GCSAML: variants seen among roughly 807,000 people sequenced by gnomAD.
GCSAML encodes the protein germinal center-associated signaling and motility-like protein.
In GCSAML, 9 loss-of-function variants were observed where a neutral mutation model predicts 13.0. The ratio of observed to expected loss-of-function variants is 0.69; its 90% CI spans 0.42 to 1.21. The LOEUF (loss-of-function observed/expected upper bound fraction) is 1.21. Ranked by LOEUF, GCSAML falls within the 50% of genes most tolerant of loss-of-function variation. GCSAML has a pLI of 0.00. For synonymous variants in GCSAML, 37 were observed against 52.9 expected (o/e 0.70, Z 1.31); for missense variants, 143 against 153.4 (o/e 0.93, Z 0.36).
chr1:247,550,914 T>C (rs1185989670), intron 1 of GCSAML, among the ~76,000 whole-genome samples: 1 of 152,184 alleles, frequency 6.6e-6, no homozygotes, highest in Non-Finnish European at 1.5e-5. Context: ...TAAAAATGGA[T>C]AGGCCCCTTC....
chr1:247,553,520 T>C (rs1667850280), intron 1 of GCSAML, among the ~76,000 whole-genome samples: 1 of 152,254 alleles, frequency 6.6e-6, no homozygotes, highest in African/African-American at 2.4e-5. Flanking sequence ...GGTTGCTGTA[T>C]ATTTTTGACA....
At chr1:247,556,898 G>T (rs1364540792) in intron 2 of GCSAML, among the ~76,000 whole-genome samples, 1 of 152,086 alleles carries the variant, frequency 6.6e-6, no homozygotes, top group African/African-American at 2.4e-5. Context: ...AGGGCCTACA[G>T]TTCCATAAGG....
At chr1:247,528,014 AT>A (rs1666750659) in intron 2 of GCSAML, 1 of 152,104 alleles carries the variant, frequency 6.6e-6, no homozygotes, top group South Asian at 2.1e-4. Flanking sequence ...CAAAAATTTT[AT>A]CTAATACTTT....
At chr1:247,549,014 G>A (rs879119891), upstream of GCSAML, 11 of 1,534,466 alleles carry the variant, frequency 7.2e-6, no homozygotes, top group East Asian at 2.4e-5. Context: ...CTCCCCTTTC[G>A]AGCTCTTCCT....
At chr1:247,512,153 T>C (rs1433885987) in intron 1 of GCSAML, among the ~76,000 whole-genome samples, 3 of 152,174 alleles carry the variant, frequency 2.0e-5, no homozygotes, top group Non-Finnish European at 4.4e-5. Flanking sequence ...CAATCAAATG[T>C]AGGTTTGGTC....
At chr1:247,512,270 CT>C (rs1486862010) in intron 1 of GCSAML, among the ~76,000 whole-genome samples, 15 of 151,772 alleles carry the variant, frequency 9.9e-5, no homozygotes, top group Non-Finnish European at 1.2e-4. Flanking sequence ...TCTTCAATCT[CT>C]GATACCCTTT....
At chr1:247,514,323 C>A (rs1345207801) in intron 1 of GCSAML, among the ~76,000 whole-genome samples, 1 of 152,040 alleles carries the variant, frequency 6.6e-6, no homozygotes, top group Non-Finnish European at 1.5e-5. Flanking sequence ...CTTTAGCCCA[C>A]TTTTTTTTCT....
intron 1 of GCSAML, among the ~76,000 whole-genome samples, chr1:247,521,289 T>G (rs1666407174): frequency 1.3e-5 from 2 of 151,630 alleles, no homozygotes; most frequent in South Asian, 2.1e-4. Context: ...TTTTCAACAG[T>G]TTATGAAAAA....
rs538767150 is a variant in GCSAML, at chr1:247,552,121, A to G, written c.29+2901A>G. Among the ~76,000 whole-genome samples, 43 of 152,292 alleles carry G rather than the reference A, an allele frequency of 2.8e-4. No homozygotes were observed. In the South Asian group the frequency reaches 3.5e-3, roughly 12 times the overall value. On this transcript the variant is annotated intron_variant, in intron 1 of 4. Transcript: ENST00000366488. Reference sequence around the variant, plus strand: ...TTGGGGAAGAGGGATTCTAATTTCTATGGCTAGCCCTGGGTAGGAAAGAGT... The same window carrying G: ...TTGGGGAAGAGGGATTCTAATTTCTGTGGCTAGCCCTGGGTAGGAAAGAGT...
chr1:247,566,010 T>A, intron 4 of GCSAML, 51 bp downstream of exon 4: 1 of 1,337,340 alleles, frequency 7.5e-7, no homozygotes, highest in South Asian at 1.5e-5. Context: ...ACTTTTATTA[T>A]GTTTGTCTGA....
chr1:247,547,828 C>T (rs1667631376), upstream of GCSAML, among the ~76,000 whole-genome samples: 1 of 152,186 alleles, frequency 6.6e-6, no homozygotes, highest in Non-Finnish European at 1.5e-5. Context: ...TGCATTTTAA[C>T]AGGATCCTCG....
chr1:247,555,625 A>G (rs1251023405), intron 1 of GCSAML, among the ~76,000 whole-genome samples: 1 of 152,234 alleles, frequency 6.6e-6, no homozygotes, highest in Non-Finnish European at 1.5e-5. Context: ...GGTAAGCAGA[A>G]GTGAGGCTCT....
intron 2 of GCSAML, among the ~76,000 whole-genome samples, chr1:247,563,387 G>A (rs1373381207): frequency 1.3e-5 from 2 of 152,098 alleles, no homozygotes; most frequent in East Asian, 1.9e-4. Context: ...GCTATATGGA[G>A]CTTTGTTTTC....
At chr1:247,516,159 A>G (rs966451410) in intron 1 of GCSAML, among the ~76,000 whole-genome samples, 1 of 152,242 alleles carries the variant, frequency 6.6e-6, no homozygotes, top group African/African-American at 2.4e-5. Flanking sequence ...AAGAACACTC[A>G]TGTCAATACG....
chr1:247,566,356 C>CCT (rs1668365718), intron 4 of GCSAML, among the ~76,000 whole-genome samples: 1 of 152,132 alleles, frequency 6.6e-6, no homozygotes, highest in African/African-American at 2.4e-5. Flanking sequence ...GATTCTGGTG[C>CCT]CTCAGCCTCC....
intron 2 of GCSAML, chr1:247,538,729 G>A (rs1667308570): frequency 2.2e-6 from 1 of 456,266 alleles, no homozygotes; most frequent in African/African-American, 2.0e-5. Flanking sequence ...GAGCTGGAAG[G>A]GAAGCGTCAT....
At chr1:247,567,382 G>A (rs1313127618) in intron 4 of GCSAML, among the ~76,000 whole-genome samples, 1 of 151,950 alleles carries the variant, frequency 6.6e-6, no homozygotes, top group Admixed American at 6.6e-5. Context: ...CTGTGCCCAT[G>A]TGTTCTCATT....
At chr1:247,523,420 C>T (rs1208132327) in intron 1 of GCSAML, among the ~76,000 whole-genome samples, 1 of 152,166 alleles carries the variant, frequency 6.6e-6, no homozygotes, top group Non-Finnish European at 1.5e-5. Context: ...GTTTTTGCCA[C>T]CCTTTACAGA....
At chr1:247,517,689 T>C (rs1055801627) in intron 1 of GCSAML, among the ~76,000 whole-genome samples, 43 of 152,286 alleles carry the variant, frequency 2.8e-4, no homozygotes, top group African/African-American at 1.0e-3. Context: ...TTCACAAATA[T>C]CTTTACTTAA....
Sources: gnomAD v4.1 joint callset for allele counts (sites outside exome capture counted in the v4.1 genomes callset) on GRCh38, gnomAD v4.1.1 for gene constraint, MANE v1.5 for transcripts, NCBI Gene and HGNC (gene_info 2026-07-23, HGNC 2026-07-21) for gene names.